Variants in PTK2 observed in about 807,000 individuals in gnomAD.
The protein encoded by PTK2 is protein tyrosine kinase 2.
Under a neutral mutation model 150.1 loss-of-function variants are expected in PTK2, and 45 were observed. That is an observed-to-expected ratio of 0.30 (90% CI 0.24 to 0.38). The LOEUF is 0.38. PTK2 is among the 10% of genes least tolerant of loss of function. The pLI, the probability that PTK2 is intolerant of heterozygous loss-of-function variation, is 1.00. For synonymous variants in PTK2, 432 were observed against 449.2 expected (o/e 0.96, Z 0.48); for missense variants, 919 against 1,307.3 (o/e 0.70, Z 4.58).
chr8:140,702,810 C>A (rs2100031500), intron 24 of PTK2, 103 bp from the exon 28 acceptor site: 2 of 1,281,860 alleles, frequency 1.6e-6, no homozygotes, highest in Non-Finnish European at 2.1e-6. Context: ...TTGTGGTAGG[C>A]AGAATTATGG....
intron 27 of PTK2, among the ~76,000 whole-genome samples, chr8:140,685,561 A>C (rs1207000762): frequency 2.6e-5 from 4 of 152,254 alleles, no homozygotes. Flanking sequence ...AAACAGCCCC[A>C]TTAAAAAGTG....
rs1474603623 is a variant in PTK2, at chr8:140,762,393, A to G, written c.1235-1131T>C. 4 of 1,158,702 alleles carry G rather than the reference A, an allele frequency of 3.5e-6. No homozygotes were observed. Among genetic ancestry groups the G allele is most frequent in the Admixed American group, 4.1e-5 (1 of 24,666 alleles). The allele number at this position is 1,158,702 out of a possible 1,614,324, so 71.8% of individuals were successfully genotyped here. On this transcript the variant is annotated intron_variant, in intron 15 of 31. Transcript: ENST00000522684. The stretch of plus-strand genomic sequence containing the variant: ...CTTCATCTATTCCATAGCTTTCTGT[A>G]TTGCAATTAAGAGAGAAAAAAATTG...
chr8:140,704,603 C>T (rs929591555), intron 24 of PTK2, among the ~76,000 whole-genome samples: 1 of 152,208 alleles, frequency 6.6e-6, no homozygotes, highest in African/African-American at 2.4e-5. Context: ...AATTCCCACT[C>T]AGGGCCAGTT....
At chr8:140,968,662 T>C (rs559968566) in intron 1 of PTK2, among the ~76,000 whole-genome samples, 18 of 152,330 alleles carry the variant, frequency 1.2e-4, no homozygotes, top group African/African-American at 4.1e-4. Flanking sequence ...AGGCTTAAAA[T>C]GTCAAAGAGA....
intron 31 of PTK2, among the ~76,000 whole-genome samples, chr8:140,661,654 G>T (rs1315019872): frequency 2.0e-5 from 3 of 152,106 alleles, no homozygotes; most frequent in Non-Finnish European, 4.4e-5. Context: ...TTTGGGAGAT[G>T]ACCACACTCA....
intron 5 of PTK2, among the ~76,000 whole-genome samples, chr8:140,850,866 TC>T (rs1440273333): frequency 2.0e-5 from 3 of 152,248 alleles, no homozygotes; most frequent in Admixed American, 2.0e-4. Context: ...TAAAAACTGT[TC>T]ACATTTTGTA....
chr8:140,911,473 G>A lies in PTK2; in HGVS notation c.-33+14188C>T, dbSNP rs898121538. ...TTTTCCCTTTGCAAAATAGAAAAATGCTTGATTTTCAGAAATGCAATGTTA... is the reference window on the plus strand; with the variant it reads ...TTTTCCCTTTGCAAAATAGAAAAATACTTGATTTTCAGAAATGCAATGTTA... On this transcript the variant is annotated intron_variant, in intron 2 of 31. Transcript: ENST00000522684. Among the ~76,000 whole-genome samples, 5 of 152,006 alleles carry A rather than the reference G, an allele frequency of 3.3e-5. No homozygotes were observed. In the South Asian group the frequency reaches 1.0e-3, roughly 32 times the overall value.
chr8:140,898,420 G>A (rs558085999), intron 2 of PTK2, among the ~76,000 whole-genome samples: 1 of 152,208 alleles, frequency 6.6e-6, no homozygotes, highest in African/African-American at 2.4e-5. Flanking sequence ...GACTGGAATG[G>A]GAGAGAAGAT....
intron 10 of PTK2, among the ~76,000 whole-genome samples, chr8:140,807,182 A>T (rs886874132): frequency 6.6e-6 from 1 of 152,252 alleles, no homozygotes; most frequent in Non-Finnish European, 1.5e-5. Context: ...ATGAATCCAG[A>T]CATTAAACAA....
intron 2 of PTK2, chr8:140,921,135 G>A: frequency 7.9e-7 from 1 of 1,262,886 alleles, no homozygotes; most frequent in Non-Finnish European, 9.9e-7. Context: ...TCCGCAATCT[G>A]AAACACAGAC....
chr8:140,808,467 T>C (rs2100099403), intron 10 of PTK2, among the ~76,000 whole-genome samples: 1 of 152,210 alleles, frequency 6.6e-6, no homozygotes, highest in African/African-American at 2.4e-5. Context: ...CAGAGGTCCT[T>C]ATAAACTCAA....
intron 31 of PTK2, among the ~76,000 whole-genome samples, chr8:140,663,986 T>A (rs1416479504): frequency 1.3e-5 from 2 of 152,132 alleles, no homozygotes; most frequent in African/African-American, 2.4e-5. Context: ...TTCATTAATT[T>A]AAAATGATTT....
chr8:140,882,288 G>A (rs1317536299), intron 3 of PTK2, among the ~76,000 whole-genome samples: 1 of 152,226 alleles, frequency 6.6e-6, no homozygotes, highest in Non-Finnish European at 1.5e-5. Flanking sequence ...CGTATTTAGT[G>A]AGGAATGTAA....
chr8:140,872,990 G>C (rs538732319), intron 4 of PTK2, among the ~76,000 whole-genome samples: 1 of 152,328 alleles, frequency 6.6e-6, no homozygotes, highest in South Asian at 2.1e-4. Context: ...ACTTGTACCT[G>C]TAGTTCATTC....
chr8:140,937,038 T>G (rs1485962703), intron 1 of PTK2, among the ~76,000 whole-genome samples: 1 of 152,118 alleles, frequency 6.6e-6, no homozygotes, highest in Non-Finnish European at 1.5e-5. Context: ...CAAAAACAGA[T>G]GTAAAGATAA....
intron 11 of PTK2, among the ~76,000 whole-genome samples, chr8:140,801,455 A>G (rs949232314): frequency 1.3e-5 from 2 of 152,238 alleles, no homozygotes; most frequent in African/African-American, 4.8e-5. Flanking sequence ...GATTAAGAAC[A>G]CAGGCTTTGG....
intron 14 of PTK2, among the ~76,000 whole-genome samples, chr8:140,772,739 A>G (rs1434953017): frequency 6.6e-6 from 1 of 152,186 alleles, no homozygotes; most frequent in African/African-American, 2.4e-5. Flanking sequence ...AAACCCATAG[A>G]GTGATAAAGC....
intron 1 of PTK2, among the ~76,000 whole-genome samples, chr8:140,966,008 G>A (rs777078801): frequency 1.3e-5 from 2 of 152,102 alleles, no homozygotes; most frequent in African/African-American, 2.4e-5. Flanking sequence ...CCAGTTGGTT[G>A]CAGTTGGAAG....
chr8:140,867,690 T>C (rs2100140149), intron 4 of PTK2, among the ~76,000 whole-genome samples: 1 of 152,136 alleles, frequency 6.6e-6, no homozygotes, highest in Admixed American at 6.5e-5. Flanking sequence ...ACCAAACCCC[T>C]GTGACACGTA....
Sources: allele counts gnomAD v4.1 joint callset (sites outside exome capture counted in the v4.1 genomes callset), GRCh38; gene constraint gnomAD v4.1.1; transcripts MANE v1.5; gene names NCBI Gene and HGNC (gene_info 2026-07-23, HGNC 2026-07-21).